The following GPATCH2 variants were observed in gnomAD, a reference collection of about 807,000 sequenced individuals.
The protein encoded by GPATCH2 is G patch domain-containing protein 2.
A neutral mutation model predicts 58.0 loss-of-function variants in GPATCH2; 51 were observed. The ratio of observed to expected loss-of-function variants is 0.88; its 90% confidence interval spans 0.70 to 1.11. GPATCH2 has a LOEUF of 1.11. Ranked by LOEUF, GPATCH2 falls within the 50% of genes most tolerant of loss-of-function variation. The probability of loss-of-function intolerance (pLI) is 0.00; values close to 1 mark genes in which losing one functional copy is unlikely to be tolerated. For synonymous variants in GPATCH2, 222 were observed against 218.5 expected (o/e 1.02, Z -0.14); for missense variants, 625 against 652.2 (o/e 0.96, Z 0.45).
chr1:217,456,138 C>T (rs1659933071), intron 8 of GPATCH2, among the ~76,000 whole-genome samples: 1 of 152,090 alleles, frequency 6.6e-6, no homozygotes, highest in African/African-American at 2.4e-5. Context: ...TGGACAAGGA[C>T]CTGGGTACCA....
chr1:217,619,705 GAATT>G (rs1252248288), intron 2 of GPATCH2, 74 bp downstream of exon 2: 10 of 506,914 alleles, frequency 2.0e-5, no homozygotes, highest in South Asian at 1.2e-4. Flanking sequence ...TTTTAAAATA[GAATT>G]AATTAAAATA....
chr1:217,536,902 G>A (rs1180468689), intron 5 of GPATCH2, among the ~76,000 whole-genome samples: 1 of 152,100 alleles, frequency 6.6e-6, no homozygotes, highest in Non-Finnish European at 1.5e-5. Context: ...GCTTGAACCG[G>A]CGGAGGGTGC....
chr1:217,459,190 A>T (rs1011814572), intron 8 of GPATCH2, among the ~76,000 whole-genome samples: 1 of 152,240 alleles, frequency 6.6e-6, no homozygotes, highest in African/African-American at 2.4e-5. Flanking sequence ...AAATTTTGAC[A>T]AAGTATCAGT....
intron 6 of GPATCH2, among the ~76,000 whole-genome samples, chr1:217,514,351 G>T (rs186163587): frequency 6.9e-6 from 1 of 145,424 alleles, no homozygotes; most frequent in Admixed American, 6.9e-5. Flanking sequence ...GTAGAGATGG[G>T]TTTCGCCATG....
rs71166009 is a variant in GPATCH2, at chr1:217,473,280, AGTGTGTGTGT to A, written c.1277+18390_1277+18399del. Among the ~76,000 whole-genome samples, 846 of 142,302 alleles carry A rather than the reference AGTGTGTGTGT, an allele frequency of 5.9e-3. 5 individuals are homozygous for A. Among genetic ancestry groups the A allele is most frequent in the African/African-American group, 0.021 (807 of 38,708 alleles). The allele number at this position is 142,302 out of a possible 152,430, so 93.4% of individuals were successfully genotyped here. On this transcript the variant is annotated intron_variant, in intron 8 of 9. Coordinates refer to ENST00000366935, the MANE Select transcript of GPATCH2 (RefSeq NM_018040.5). ...GGTGCATTGCCTCAAGGTTTAGTTC[AGTGTGTGTGT>A]GTGTGTGTGTGTGTGTGTGTGTGTG... is the stretch of plus-strand genomic sequence containing the variant.
rs972018321 is a variant in GPATCH2 at position 217,546,596 on chromosome 1, C to T, written c.1099-31707G>A. 2.6e-5 allele frequency among the ~76,000 whole-genome samples: 4 copies of T among 152,106 alleles called. 1 individual carries two copies. The highest frequency in any genetic ancestry group is 4.1e-4 in the South Asian group (2 of 4,826). On this transcript the variant is annotated intron_variant, in intron 5 of 9. Coordinates refer to ENST00000366935, the MANE Select transcript of GPATCH2 (RefSeq NM_018040.5). Reference sequence around the variant, plus strand: ...CTGGACCCCTTCCTTACAGCATATACAAAAATTGTGATGGATTAAAGATTT... The same window carrying T: ...CTGGACCCCTTCCTTACAGCATATATAAAAATTGTGATGGATTAAAGATTT...
intron 5 of GPATCH2, among the ~76,000 whole-genome samples, chr1:217,570,547 A>G (rs185633607): frequency 2.6e-4 from 39 of 152,290 alleles, no homozygotes; most frequent in Admixed American, 2.4e-3. Flanking sequence ...AATTAGTTCA[A>G]ATTTCTAGGT....
At chr1:217,591,319 G>A (rs1006976546) in intron 5 of GPATCH2, among the ~76,000 whole-genome samples, 1 of 152,086 alleles carries the variant, frequency 6.6e-6, no homozygotes, top group Non-Finnish European at 1.5e-5. Flanking sequence ...ACGTGTGTGT[G>A]TGCGTAAGAC....
chr1:217,499,132 ACT>A (rs1367932279), intron 6 of GPATCH2, among the ~76,000 whole-genome samples: 3 of 152,144 alleles, frequency 2.0e-5, no homozygotes, highest in African/African-American at 7.2e-5. Flanking sequence ...AAAAAAACTA[ACT>A]GTAAACATCA....
rs560964007 is a variant in GPATCH2, at chr1:217,494,047, G to T, written c.1207-2297C>A. The stretch of plus-strand genomic sequence containing the variant: ...CATTAGGTTGTATCTACTAGGTTTC[G>T]ATAGTTCTCAGAGAGGCCACCAATC... On this transcript the variant is annotated intron_variant, in intron 7 of 9. Coordinates refer to ENST00000366935, the MANE Select transcript of GPATCH2 (RefSeq NM_018040.5). Among the ~76,000 whole-genome samples, 9 of 152,204 alleles carry T rather than the reference G, an allele frequency of 5.9e-5. No homozygotes were observed. In the South Asian group the frequency reaches 1.9e-3, roughly 32 times the overall value.
intron 9 of GPATCH2, among the ~76,000 whole-genome samples, chr1:217,447,964 G>T (rs1326419613): frequency 6.6e-6 from 1 of 152,034 alleles, no homozygotes; most frequent in Non-Finnish European, 1.5e-5. Context: ...TGGGCATGGT[G>T]GTGGGCGCCC....
chr1:217,541,274 C>T (rs1362027459), intron 5 of GPATCH2, among the ~76,000 whole-genome samples: 1 of 152,132 alleles, frequency 6.6e-6, no homozygotes, highest in African/African-American at 2.4e-5. Flanking sequence ...GACTTTATTT[C>T]TCTAATAAAG....
intron 6 of GPATCH2, chr1:217,498,709 G>T: frequency 2.2e-6 from 1 of 457,208 alleles, no homozygotes; most frequent in Non-Finnish European, 3.9e-6. Flanking sequence ...ACCTACAAAT[G>T]CTATCATTTA....
rs553392606 is a variant in GPATCH2 at position 217,628,682 on chromosome 1, T to TAA, written c.56+2232_56+2233dup. On this transcript the variant is annotated intron_variant, in intron 1 of 9. Coordinates refer to ENST00000366935, the MANE Select transcript of GPATCH2 (RefSeq NM_018040.5). ...TTTAAGCAAAGCCACATAATAAAGT[T>TAA]AAAAAAAAAAAAAAAAGAATACCAT... Among the ~76,000 whole-genome samples the TAA allele has an allele frequency of 1.3e-4, 17 of 131,142 alleles. No individual in the cohort carries two copies. In the East Asian group the frequency reaches 1.3e-3, roughly 10 times the overall value. The allele number at this position is 131,142 out of a possible 152,430, so 86.0% of individuals were successfully genotyped here.
At chr1:217,572,243 T>A (rs1407531031) in intron 5 of GPATCH2, among the ~76,000 whole-genome samples, 1 of 152,042 alleles carries the variant, frequency 6.6e-6, no homozygotes, top group Non-Finnish European at 1.5e-5. Flanking sequence ...TTAGGTCTTG[T>A]GAAAAGGGGG....
At chr1:217,584,099 C>T (rs1011047376) in intron 5 of GPATCH2, among the ~76,000 whole-genome samples, 1 of 151,612 alleles carries the variant, frequency 6.6e-6, no homozygotes, top group African/African-American at 2.4e-5. Context: ...TCTTATAGAT[C>T]TAAATAAATG....
At chr1:217,619,714 A>T in intron 2 of GPATCH2, 69 bp downstream of exon 2, 1 of 553,808 alleles carries the variant, frequency 1.8e-6, no homozygotes, top group Non-Finnish European at 3.0e-6. Context: ...AGAATTAATT[A>T]AAATATAAAA....
At position 217,483,465 on chromosome 1, in the gene GPATCH2, A is replaced by G. The variant is rs148848875; in HGVS notation, c.1277+8215T>C. Among the ~76,000 whole-genome samples, 113 of 152,242 alleles carry G rather than the reference A, an allele frequency of 7.4e-4. 1 individual carries two copies. The highest frequency in any genetic ancestry group is 2.5e-3 in the African/African-American group (104 of 41,546). Reference sequence around the variant, plus strand: ...CTCCCAAAGTGTTGAGATTACAGGTATAAGCCACTGTGCCTAGACCCCCCA... The same window carrying G: ...CTCCCAAAGTGTTGAGATTACAGGTGTAAGCCACTGTGCCTAGACCCCCCA... On this transcript the variant is annotated intron_variant, in intron 8 of 9. Transcript: ENST00000366935.
chr1:217,481,200 A>G (rs1661199756), intron 8 of GPATCH2, among the ~76,000 whole-genome samples: 1 of 152,216 alleles, frequency 6.6e-6, no homozygotes, highest in East Asian at 1.9e-4. Flanking sequence ...GAGGGGATGG[A>G]TACCCCATTT....
Sources: gnomAD v4.1 joint callset for allele counts (sites outside exome capture counted in the v4.1 genomes callset) on GRCh38, gnomAD v4.1.1 for gene constraint, MANE v1.5 for transcripts, NCBI Gene and HGNC (gene_info 2026-07-23, HGNC 2026-07-21) for gene names.